ERI3: variants seen among roughly 807,000 people sequenced by gnomAD.
The protein encoded by ERI3 is ERI1 exoribonuclease family member 3.
In ERI3, 18 loss-of-function variants were observed where a neutral mutation model predicts 44.4. The ratio of observed to expected loss-of-function variants is 0.41; its 90% CI spans 0.28 to 0.60. ERI3 has a LOEUF of 0.60. Ranked by LOEUF, ERI3 falls within the 20% of genes least tolerant of loss-of-function variation. The pLI is 0.36. For synonymous variants in ERI3, 183 were observed against 164.8 expected, an observed-to-expected ratio of 1.11 and a Z score of -0.84; for missense variants, 294 against 435.5, an observed-to-expected ratio of 0.68 and a Z score of 2.89.
intron 7 of ERI3, among the ~76,000 whole-genome samples, chr1:44,264,373 T>G (rs1447450387): frequency 6.6e-6 from 1 of 152,104 alleles, no homozygotes; most frequent in African/African-American, 2.4e-5. Context: ...GCGTGATACA[T>G]CTCAGTCTCT....
intron 3 of ERI3, among the ~76,000 whole-genome samples, chr1:44,335,221 T>C (rs958977433): frequency 6.6e-6 from 1 of 151,934 alleles, no homozygotes; most frequent in Non-Finnish European, 1.5e-5. Flanking sequence ...AGCATACCCA[T>C]AGTCCCAGCT....
intron 6 of ERI3, among the ~76,000 whole-genome samples, chr1:44,286,875 T>G (rs1645404342): frequency 6.6e-6 from 1 of 152,192 alleles, no homozygotes; most frequent in African/African-American, 2.4e-5. Flanking sequence ...CCACATATCC[T>G]TATCAACTTC....
At position 44,277,820 on chromosome 1, in the gene ERI3, C is replaced by A. The variant is rs1356738352; in HGVS notation, c.831+7015G>T. 3.3e-5 allele frequency among the ~76,000 whole-genome samples: 5 copies of A among 152,198 alleles called. No individual in the cohort carries two copies. The South Asian group carries it at 6.2e-4, about 19-fold the overall frequency. On this transcript the variant is annotated intron_variant, in intron 7 of 8. Transcript: ENST00000372257. ...CCATTGAGCAAGTTTCATCATCGCT[C>A]CATGCCTTGGTTTTCTCAACCTTAA...
rs539759289 is a variant in ERI3 at position 44,259,689 on chromosome 1, G to GACACACACACACAGAC, written c.832-11652_832-11651insGTCTGTGTGTGTGTGT. On this transcript the variant is annotated intron_variant, in intron 7 of 8. Transcript: ENST00000372257. ...AAATCCTATCTCTACAAAACACACA[G>GACACACACACACAGAC]ACACACACACACACACACACACACA... 4.0e-3 allele frequency among the ~76,000 whole-genome samples: 564 copies of GACACACACACACAGAC among 140,378 alleles called. 2 individuals are homozygous for GACACACACACACAGAC. The highest frequency in any genetic ancestry group is 0.014 in the African/African-American group (506 of 36,050). 92.1% of individuals were successfully genotyped at this position (140,378 alleles called of 152,430 possible). A position where few individuals can be genotyped will look rare whatever the true frequency, so the allele number is the denominator to read the frequency against.
chr1:44,233,270 A>G (rs1442696390), intron 8 of ERI3, among the ~76,000 whole-genome samples: 1 of 151,940 alleles, frequency 6.6e-6, no homozygotes, highest in Non-Finnish European at 1.5e-5. Context: ...CCTGCCCTCA[A>G]CATCACCCCA....
chr1:44,254,401 C>A (rs1644741920), intron 7 of ERI3, among the ~76,000 whole-genome samples: 2 of 152,190 alleles, frequency 1.3e-5, no homozygotes, highest in African/African-American at 4.8e-5. Flanking sequence ...CAGCCCCCGC[C>A]TACCCCTAGT....
In ERI3 at chr1:44,310,955, G is replaced by GCA. The variant is rs1557840813; in HGVS notation, c.666+2213_666+2214insTG. Among the ~76,000 whole-genome samples, 71 of 72,408 alleles carry GCA rather than the reference G, an allele frequency of 9.8e-4. 2 individuals are homozygous for GCA. Among genetic ancestry groups the GCA allele is most frequent in the Admixed American group, 6.6e-3 (39 of 5,880 alleles). The allele number at this position is 72,408 out of a possible 152,430, so 47.5% of individuals were successfully genotyped here. A position where few individuals can be genotyped will look rare whatever the true frequency, so the allele number is the denominator to read the frequency against. ...CTCCTTGCATGTATGTGCACATCGC[G>GCA]CGCGCGCGCACACACACACACACAC... On this transcript the variant is annotated intron_variant, in intron 5 of 8. Coordinates refer to ENST00000372257, the MANE Select transcript of ERI3 (RefSeq NM_024066.3).
intron 8 of ERI3, among the ~76,000 whole-genome samples, chr1:44,229,912 G>A (rs1644137088): frequency 6.6e-6 from 1 of 152,172 alleles, no homozygotes; most frequent in African/African-American, 2.4e-5. Flanking sequence ...GGGGACCACA[G>A]GACAAAGACC....
intron 7 of ERI3, among the ~76,000 whole-genome samples, chr1:44,255,616 A>T (rs1644765086): frequency 6.6e-6 from 1 of 151,936 alleles, no homozygotes; most frequent in South Asian, 2.1e-4. Flanking sequence ...TATATATTCT[A>T]TTGCCTACCT....
chr1:44,344,249 A>C (rs936658312), intron 2 of ERI3, among the ~76,000 whole-genome samples: 1 of 150,718 alleles, frequency 6.6e-6, no homozygotes, highest in Admixed American at 6.6e-5. Flanking sequence ...ATAAATAAAT[A>C]AATAAATAAA....
intron 3 of ERI3, among the ~76,000 whole-genome samples, chr1:44,331,890 G>A (rs1572300899): frequency 6.6e-6 from 1 of 152,114 alleles, no homozygotes; most frequent in African/African-American, 2.4e-5. Context: ...CACACTGTGA[G>A]CAGGGTTGAT....
chr1:44,347,110 C>T (rs546344104), intron 2 of ERI3, among the ~76,000 whole-genome samples: 5 of 152,230 alleles, frequency 3.3e-5, no homozygotes, highest in African/African-American at 1.2e-4. Flanking sequence ...CGTGTGATGG[C>T]CCACATTTCC....
At chr1:44,236,399 C>A (rs969458272) in intron 8 of ERI3, among the ~76,000 whole-genome samples, 5 of 152,116 alleles carry the variant, frequency 3.3e-5, no homozygotes, top group African/African-American at 1.2e-4. Context: ...TTCTTAATTA[C>A]AACTGTGATT....
intron 6 of ERI3, among the ~76,000 whole-genome samples, chr1:44,292,770 T>G (rs1645535292): frequency 6.6e-6 from 1 of 152,190 alleles, no homozygotes; most frequent in African/African-American, 2.4e-5. Flanking sequence ...GGCTGCAGGT[T>G]ACAATTCCAA....
rs893465698 is a variant in ERI3 at position 44,235,385 on chromosome 1, C to A, written c.931+12554G>T. ...GTGCTTCCTCTAGGTGCCTTCCCCC[C>A]ATCCCGCCTTTGTGTTAGGAACCTC... On this transcript the variant is annotated intron_variant, in intron 8 of 8. Coordinates refer to ENST00000372257, the MANE Select transcript of ERI3 (RefSeq NM_024066.3). The surrounding 1 kb of genome is among the most constrained non-coding windows in gnomAD (Gnocchi z 4.6). Among the ~76,000 whole-genome samples the A allele has an allele frequency of 9.2e-5, 14 of 152,192 alleles. No individual in the cohort carries two copies. Among genetic ancestry groups the A allele is most frequent in the African/African-American group, 1.2e-4 (5 of 41,438 alleles).
intron 7 of ERI3, among the ~76,000 whole-genome samples, chr1:44,281,672 C>T (rs1645290493): frequency 6.8e-6 from 1 of 146,444 alleles, no homozygotes; most frequent in African/African-American, 2.5e-5. Flanking sequence ...TACCTGTGTG[C>T]ATGTTATCTT....
At chr1:44,317,144 G>GCACACACA (rs10670781) in intron 4 of ERI3, among the ~76,000 whole-genome samples, 2,071 of 151,102 alleles carry the variant, frequency 0.014, 69 homozygotes, top group East Asian at 0.059. Flanking sequence ...GCATGTGCGT[G>GCACACACA]CACACACACA....
intron 8 of ERI3, among the ~76,000 whole-genome samples, chr1:44,239,954 T>C (rs1203252711): frequency 6.6e-6 from 1 of 152,190 alleles, no homozygotes. Flanking sequence ...CTAGCAGCCA[T>C]GTTCTCCTCA....
chr1:44,313,865 A>G (rs970157488), intron 4 of ERI3, among the ~76,000 whole-genome samples: 1 of 152,194 alleles, frequency 6.6e-6, no homozygotes, highest in East Asian at 1.9e-4. Flanking sequence ...AACTAAGACA[A>G]AAAGGCCTAA....
Sources: allele counts gnomAD v4.1 joint callset (sites outside exome capture counted in the v4.1 genomes callset), GRCh38; gene constraint gnomAD v4.1.1; non-coding constraint Gnocchi (gnomAD v3.1); transcripts MANE v1.5; gene names NCBI Gene and HGNC (gene_info 2026-07-23, HGNC 2026-07-21).